WDR76: variants seen among roughly 807,000 people sequenced by gnomAD.
WDR76 encodes the protein WD repeat domain 76, also known as WD repeat-containing protein 76.
A neutral mutation model predicts 70.2 loss-of-function variants in WDR76; 52 were observed. That is an observed-to-expected ratio of 0.74 (90% CI 0.59 to 0.93). WDR76 has a LOEUF of 0.93. WDR76 is among the 40% of genes least tolerant of loss of function. The probability of loss-of-function intolerance (pLI) is 0.00; values close to 1 mark genes in which losing one functional copy is unlikely to be tolerated. For synonymous variants in WDR76, 292 were observed against 271.1 expected (o/e 1.08, Z -0.76); for missense variants, 756 against 760.2 (o/e 0.99, Z 0.07).
chr15:43,862,276 CTTTTTTTTTT>C, intron 12 of WDR76, among the ~76,000 whole-genome samples: 6 of 42,168 alleles, frequency 1.4e-4, no homozygotes, highest in Admixed American at 1.2e-3. Flanking sequence ...TTATCAGTTT[CTTTTTTTTTT>C]TTTTTTTTTT....
At chr15:43,852,345 G>A (rs767283007) in intron 9 of WDR76, among the ~76,000 whole-genome samples, 1 of 151,182 alleles carries the variant, frequency 6.6e-6, no homozygotes, top group Non-Finnish European at 1.5e-5. Flanking sequence ...CATCACGCCC[G>A]GGTAATTTGT....
intron 12 of WDR76, among the ~76,000 whole-genome samples, chr15:43,863,566 A>AG (rs1325844698): frequency 1.3e-5 from 2 of 151,556 alleles, no homozygotes; most frequent in Non-Finnish European, 2.9e-5. Context: ...TTTTAAAAAA[A>AG]AAAAAAAAAA....
chr15:43,838,153 G>A (rs1395533047), intron 4 of WDR76, among the ~76,000 whole-genome samples: 8 of 151,938 alleles, frequency 5.3e-5, no homozygotes, highest in Admixed American at 1.3e-4. Flanking sequence ...GATTACAGGC[G>A]TGAGCCACTG....
intron 4 of WDR76, among the ~76,000 whole-genome samples, chr15:43,839,361 A>ATGGCAG (rs2087694498): frequency 6.6e-6 from 1 of 152,162 alleles, no homozygotes; most frequent in African/African-American, 2.4e-5. Flanking sequence ...CATTCTTTTT[A>ATGGCAG]TGGCTGCGTA....
chr15:43,864,061 A>G (rs906682752), intron 12 of WDR76: 16 of 152,194 alleles, frequency 1.1e-4, no homozygotes, highest in African/African-American at 3.6e-4. Context: ...GTCTTTCTGT[A>G]CCTGGCTTGT....
chr15:43,863,022 G>A (rs1280301725), intron 12 of WDR76, among the ~76,000 whole-genome samples: 2 of 151,764 alleles, frequency 1.3e-5, no homozygotes, highest in African/African-American at 4.8e-5. Context: ...TGCAGCCTCC[G>A]CCTCCTGGGT....
At chr15:43,862,684 A>G (rs558973704) in intron 12 of WDR76, among the ~76,000 whole-genome samples, 11 of 149,114 alleles carry the variant, frequency 7.4e-5, no homozygotes, top group Admixed American at 7.4e-4. Context: ...AATTTTTTGT[A>G]TTTTTAGTAG....
rs890314715 is a variant in WDR76, at chr15:43,866,517, A to G, written c.*125A>G. On this transcript the variant is annotated 3_prime_UTR_variant, in exon 13 of 13. Transcript: ENST00000263795. The stretch of plus-strand genomic sequence containing the variant: ...TTAGCAATTATAACATTGTTTTATT[A>G]ATAAGACTATAAGAAGAGTGTACTT... 6.2e-6 allele frequency: 7 copies of G among 1,126,186 alleles called. No individual in the cohort carries two copies. The highest frequency in any genetic ancestry group is 7.6e-6 in the Non-Finnish European group (6 of 793,370). The allele number at this position is 1,126,186 out of a possible 1,614,324, so 69.8% of individuals were successfully genotyped here.
chr15:43,850,858 G>C (rs920203645), intron 8 of WDR76, among the ~76,000 whole-genome samples: 1 of 152,114 alleles, frequency 6.6e-6, no homozygotes, highest in Non-Finnish European at 1.5e-5. Flanking sequence ...CAGAAAGCTG[G>C]TCACTGTTAA....
Position 43,858,662 on chromosome 15 carries a change from C to A in WDR76, c.1410-9C>A. 1 of 1,612,548 alleles carries A rather than the reference C, an allele frequency of 6.2e-7. No homozygotes were observed. Among genetic ancestry groups the A allele is most frequent in the Non-Finnish European group, 8.5e-7 (1 of 1,179,344 alleles). On this transcript the variant is annotated splice_polypyrimidine_tract_variant and intron_variant, in intron 10 of 12. Coordinates refer to ENST00000263795, the MANE Select transcript of WDR76 (RefSeq NM_024908.4). ...ATGGCAACATTGATCATTGTTTCTCCCATTACAGGGATACTCATATTTATG... is the reference window on the plus strand; with the variant it reads ...ATGGCAACATTGATCATTGTTTCTCACATTACAGGGATACTCATATTTATG...
At position 43,828,260 on chromosome 15, in the gene WDR76, A is replaced by C; in HGVS notation, c.356A>C (p.Glu119Ala). The change falls in exon 2 of 13, where the codon GAA becomes GCA. Residue 119 changes from glutamate (E) to alanine (A), a missense_variant. Physicochemically the swap from Glu to Ala is moderately radical, Grantham distance 107 (BLOSUM62 -1). Coordinates refer to ENST00000263795, the MANE Select transcript of WDR76 (RefSeq NM_024908.4). ...AATTCATCCTCAGCTGTTCATACTG[A>C]AAGTAACAAGCTACAACCCAAGAGA... ...LQNSSSAVHTESNKLQPKRTA... is the reference protein window; with the variant it reads ...LQNSSSAVHTASNKLQPKRTA... 6.2e-7 allele frequency: 1 copy of C among 1,614,230 alleles called. No individual in the cohort carries two copies. Among genetic ancestry groups the C allele is most frequent in the Non-Finnish European group, 8.5e-7 (1 of 1,180,036 alleles).
chr15:43,850,388 C>T (rs945299607), intron 8 of WDR76, among the ~76,000 whole-genome samples: 9 of 151,892 alleles, frequency 5.9e-5, no homozygotes, highest in Admixed American at 2.0e-4. Flanking sequence ...CTCCACCTCC[C>T]GGATTCATGC....
At chr15:43,846,938 C>T (rs1455700895) in intron 8 of WDR76, among the ~76,000 whole-genome samples, 1 of 148,072 alleles carries the variant, frequency 6.8e-6, no homozygotes, top group Non-Finnish European at 1.5e-5. Flanking sequence ...AGGAGATTTG[C>T]TTGAACACAG....
At chr15:43,861,724 G>C (rs2140313577) in intron 12 of WDR76, among the ~76,000 whole-genome samples, 1 of 152,094 alleles carries the variant, frequency 6.6e-6, no homozygotes, top group East Asian at 1.9e-4. Context: ...GCTGTCTGAA[G>C]GTCTGTTTAT....
chr15:43,832,381 C>A (rs1288012458), intron 2 of WDR76, among the ~76,000 whole-genome samples: 3 of 150,728 alleles, frequency 2.0e-5, no homozygotes, highest in African/African-American at 7.3e-5. Flanking sequence ...GAGACGCTAT[C>A]ACTTTAAAAA....
chr15:43,857,251 A>C lies in WDR76; in HGVS notation c.1409+88A>C, dbSNP rs538639652. 2,783 of 1,288,112 alleles carry C rather than the reference A, an allele frequency of 2.2e-3. 6 individuals are homozygous for C. The highest frequency in any genetic ancestry group is 2.4e-3 in the South Asian group (147 of 62,152). The allele number at this position is 1,288,112 out of a possible 1,614,324, so 79.8% of individuals were successfully genotyped here. A position where few individuals can be genotyped will look rare whatever the true frequency, so the allele number is the denominator to read the frequency against. On this transcript the variant is annotated intron_variant, in intron 10 of 12. Transcript: ENST00000263795. Reference sequence around the variant, plus strand: ...TGGTTGTCAAAGATATTGTAATACAATATTACAAAAGGTATTACTTTTGTA... The same window carrying C: ...TGGTTGTCAAAGATATTGTAATACACTATTACAAAAGGTATTACTTTTGTA...
intron 4 of WDR76, 126 bp from the exon 5 acceptor site, chr15:43,839,479 A>G (rs530860562): frequency 2.1e-6 from 2 of 944,170 alleles, no homozygotes; most frequent in African/African-American, 1.7e-5. Context: ...GTGGCCATGT[A>G]TATATATATC....
At chr15:43,848,340 C>G (rs938948318) in intron 8 of WDR76, among the ~76,000 whole-genome samples, 39 of 152,164 alleles carry the variant, frequency 2.6e-4, no homozygotes, top group African/African-American at 9.2e-4. Flanking sequence ...AAATCTGTAG[C>G]AGAGCTAGGA....
chr15:43,862,468 C>G (rs1229891397), intron 12 of WDR76, among the ~76,000 whole-genome samples: 1 of 150,530 alleles, frequency 6.6e-6, no homozygotes, highest in Non-Finnish European at 1.5e-5. Context: ...CAGGTGCACG[C>G]CACCCTGCCT....
Sources: gnomAD v4.1 joint callset for allele counts (sites outside exome capture counted in the v4.1 genomes callset) on GRCh38, gnomAD v4.1.1 for gene constraint, MANE v1.5 for transcripts, NCBI Gene and HGNC (gene_info 2026-07-23, HGNC 2026-07-21) for gene names.